Variants in TRIO observed in about 807,000 individuals in gnomAD.
TRIO encodes triple functional domain protein.
In TRIO, 58 loss-of-function variants were observed where a neutral mutation model predicts 351.9. That is an observed-to-expected ratio of 0.16 (90% CI 0.13 to 0.21). TRIO has a LOEUF of 0.21. Among genes scored for constraint, TRIO ranks in the 10% least tolerant of loss-of-function variants. The pLI, the probability that TRIO is intolerant of heterozygous loss-of-function variation, is 1.00. For missense variants in TRIO, 3,201 were observed against 4,027.8 expected (o/e 0.79, Z 5.56); for synonymous variants, 1,758 against 1,595.7 (o/e 1.10, Z -2.42).
At chr5:14,417,489 C>G (rs373778321) in intron 33 of TRIO, among the ~76,000 whole-genome samples, 1 of 152,236 alleles carries the variant, frequency 6.6e-6, no homozygotes, top group Non-Finnish European at 1.5e-5. Flanking sequence ...CAGAACACAG[C>G]GGGAGTGTGA....
At chr5:14,294,010 TAA>T (rs113119352) in intron 6 of TRIO, among the ~76,000 whole-genome samples, 9 of 59,810 alleles carry the variant, frequency 1.5e-4, no homozygotes, top group East Asian at 3.2e-4. Context: ...ACCCCATCTC[TAA>T]AAAAAAAAAA....
intron 24 of TRIO, 145 bp downstream of exon 24, chr5:14,388,824 C>A: frequency 3.1e-6 from 3 of 954,890 alleles, no homozygotes; most frequent in South Asian, 3.5e-5. Context: ...CTTCAGCAGC[C>A]GGTTTCATGT....
In TRIO at chr5:14,442,590, C is replaced by T. The variant is rs150453551; in HGVS notation, c.5204-18429C>T. ...ACAAAACCTTTAAAAAGTCTTTGAC[C>T]CTGGGCTCTTTTTGTCATATTTATG... is the stretch of plus-strand genomic sequence containing the variant. On this transcript the variant is annotated intron_variant, in intron 34 of 56. Coordinates refer to ENST00000344204, the MANE Select transcript of TRIO (RefSeq NM_007118.4). Among the ~76,000 whole-genome samples the T allele has an allele frequency of 2.3e-3, 348 of 152,144 alleles. 2 individuals are homozygous for T. The highest frequency in any genetic ancestry group is 6.8e-3 in the Middle Eastern group (2 of 294).
chr5:14,475,267 C>G (rs932800173), intron 40 of TRIO, among the ~76,000 whole-genome samples: 2 of 152,218 alleles, frequency 1.3e-5, no homozygotes, highest in African/African-American at 4.8e-5. Context: ...TTCTGCTCTC[C>G]TGTCTTGATG....
At chr5:14,152,490 C>T (rs1287327242) in intron 1 of TRIO, among the ~76,000 whole-genome samples, 3 of 152,204 alleles carry the variant, frequency 2.0e-5, no homozygotes, top group Non-Finnish European at 4.4e-5. Context: ...CTGCCTTAGC[C>T]TCCCAAGTAG....
chr5:14,274,353 G>C (rs1251866860), intron 2 of TRIO, among the ~76,000 whole-genome samples: 1 of 152,304 alleles, frequency 6.6e-6, no homozygotes, highest in Admixed American at 6.5e-5. Context: ...TGCAGACTAG[G>C]AGTTAGGTCT....
intron 41 of TRIO, 177 bp downstream of exon 41, chr5:14,477,140 T>C: frequency 8.6e-6 from 5 of 582,634 alleles, no homozygotes; most frequent in Non-Finnish European, 1.5e-5. Flanking sequence ...ATGAGTTACC[T>C]GCTTTCCCAG....
chr5:14,316,611 C>G lies in TRIO; in HGVS notation c.1599C>G (p.Ala533=), dbSNP rs368755419. 1.2e-6 allele frequency: 2 copies of G among 1,614,224 alleles called. No individual in the cohort carries two copies. The highest frequency in any genetic ancestry group is 1.1e-5 in the South Asian group (1 of 91,090). The change falls in exon 9 of 57, where the codon GCC becomes GCG. Residue 533 remains alanine, a synonymous_variant. Coordinates refer to ENST00000344204, the MANE Select transcript of TRIO (RefSeq NM_007118.4). The part of the protein sequence containing the change: ...SLTASANYSK[A]VHHVLDVIHE... Reference sequence around the variant, plus strand: ...CAGCCTCTGCCAACTACTCCAAGGCCGTGCACCATGTCCTGGATGTCATCC... The same window carrying G: ...CAGCCTCTGCCAACTACTCCAAGGCGGTGCACCATGTCCTGGATGTCATCC...
At chr5:14,466,609 TC>T (rs879786788) in intron 37 of TRIO, among the ~76,000 whole-genome samples, 2 of 152,176 alleles carry the variant, frequency 1.3e-5, no homozygotes, top group Admixed American at 1.3e-4. Flanking sequence ...TATCCTACTA[TC>T]CCTATAAAGA....
intron 1 of TRIO, among the ~76,000 whole-genome samples, chr5:14,199,218 A>AC (rs200071817): frequency 6.7e-6 from 1 of 149,514 alleles, no homozygotes; most frequent in Non-Finnish European, 1.5e-5. Flanking sequence ...AAAAAAAAAA[A>AC]ACCTCCCTAA....
At chr5:14,413,146 T>C (rs138325320) in intron 33 of TRIO, among the ~76,000 whole-genome samples, 122 of 152,344 alleles carry the variant, frequency 8.0e-4, no homozygotes, top group African/African-American at 2.8e-3. Context: ...CTGCACACTC[T>C]TGGGGCTACA....
At chr5:14,396,441 A>ATTTTTTTTT (rs1579529919) in intron 28 of TRIO, among the ~76,000 whole-genome samples, 1 of 57,692 alleles carries the variant, frequency 1.7e-5, no homozygotes, top group Non-Finnish European at 4.0e-5. Flanking sequence ...ATTTCTATTT[A>ATTTTTTTTT]TCTTTTTTTT....
chr5:14,473,400 A>C (rs1173939170), intron 39 of TRIO, among the ~76,000 whole-genome samples: 1 of 152,254 alleles, frequency 6.6e-6, no homozygotes, highest in Non-Finnish European at 1.5e-5. Flanking sequence ...AGTCAATTGC[A>C]TAACACAAAA....
chr5:14,182,320 AAAGCATCTT>A (rs1221630095), intron 1 of TRIO, among the ~76,000 whole-genome samples: 2 of 152,194 alleles, frequency 1.3e-5, no homozygotes, highest in African/African-American at 4.8e-5. Context: ...CTTAGCTGAG[AAAGCATCTT>A]GGTTCCCTGG....
At chr5:14,287,657 G>A (rs1736563197) in intron 4 of TRIO, among the ~76,000 whole-genome samples, 1 of 152,172 alleles carries the variant, frequency 6.6e-6, no homozygotes, top group Non-Finnish European at 1.5e-5. Flanking sequence ...GCTTCCCACT[G>A]TAACCTCCTC....
At chr5:14,207,965 A>G (rs1246000030) in intron 1 of TRIO, among the ~76,000 whole-genome samples, 2 of 152,256 alleles carry the variant, frequency 1.3e-5, no homozygotes, top group East Asian at 1.9e-4. Flanking sequence ...TCACAATGAA[A>G]TACCACTACT....
chr5:14,460,332 C>T (rs1181129569), intron 34 of TRIO, among the ~76,000 whole-genome samples: 1 of 152,166 alleles, frequency 6.6e-6, no homozygotes, highest in Non-Finnish European at 1.5e-5. Context: ...GCCGCCGTGG[C>T]CTGGCCGTGA....
chr5:14,315,885 T>C (rs1739341481), intron 8 of TRIO, among the ~76,000 whole-genome samples: 1 of 152,268 alleles, frequency 6.6e-6, no homozygotes, highest in Non-Finnish European at 1.5e-5. Flanking sequence ...AATATAGCAC[T>C]TGATGGCATT....
At chr5:14,407,930 A>G (rs1171628635) in intron 33 of TRIO, among the ~76,000 whole-genome samples, 1 of 152,190 alleles carries the variant, frequency 6.6e-6, no homozygotes, top group African/African-American at 2.4e-5. Flanking sequence ...TTTTAAAAAA[A>G]TTGACAGTAA....
Sources: gnomAD v4.1 joint callset for allele counts (sites outside exome capture counted in the v4.1 genomes callset) on GRCh38, gnomAD v4.1.1 for gene constraint, MANE v1.5 for transcripts, NCBI Gene and HGNC (gene_info 2026-07-23, HGNC 2026-07-21) for gene names.